RBBP8: variants seen among roughly 807,000 people sequenced by gnomAD.
RBBP8 encodes the protein DNA endonuclease RBBP8.
Under a neutral mutation model 108.3 loss-of-function variants are expected in RBBP8, and 88 were observed. The observed-to-expected ratio is 0.81, with a 90% CI of 0.68 to 0.97. The LOEUF is 0.97. Ranked by LOEUF, RBBP8 falls within the 50% of genes least tolerant of loss-of-function variation. The pLI is 0.00. For missense variants in RBBP8, 1,023 were observed against 1,049.0 expected, an observed-to-expected ratio of 0.98 and a Z score of 0.34; for synonymous variants, 332 against 348.2, an observed-to-expected ratio of 0.95 and a Z score of 0.52.
At chr18:22,960,353 C>T (rs1326671946) in intron 4 of RBBP8, among the ~76,000 whole-genome samples, 2 of 152,196 alleles carry the variant, frequency 1.3e-5, no homozygotes, top group Non-Finnish European at 2.9e-5. Flanking sequence ...AAGTTTGAGA[C>T]CAGCCGGGGC....
chr18:22,998,031 T>C (rs2045889394), intron 14 of RBBP8, among the ~76,000 whole-genome samples: 1 of 152,234 alleles, frequency 6.6e-6, no homozygotes, highest in Non-Finnish European at 1.5e-5. Context: ...TTCATTTCTT[T>C]ATGTATTGCC....
chr18:22,918,582 G>C (rs1909457754), intron 3 of RBBP8, among the ~76,000 whole-genome samples: 1 of 152,188 alleles, frequency 6.6e-6, no homozygotes, highest in Non-Finnish European at 1.5e-5. Flanking sequence ...GCTATTCAGT[G>C]CATGGCTGTA....
chr18:23,005,111 C>G (rs2144761274), intron 15 of RBBP8, among the ~76,000 whole-genome samples: 1 of 152,124 alleles, frequency 6.6e-6, no homozygotes, highest in East Asian at 1.9e-4. Flanking sequence ...TGCAGTGAGC[C>G]TAGATCATGC....
chr18:22,936,926 A>C lies in RBBP8; in HGVS notation c.75A>C (p.Thr25=). The change falls in exon 2 of 19, where the codon ACA becomes ACC. Residue 25 remains threonine (T), a synonymous_variant. Transcript: ENST00000327155. ...CTAGTGACTTTAAGGACCTTTGGAC[A>C]AAACTAAAAGAATGTCATGATAGAG... The part of the protein sequence containing the change: ...DTSSDFKDLW[T]KLKECHDREV... 2.5e-6 allele frequency: 4 copies of C among 1,614,174 alleles called. No homozygotes were observed. The highest frequency in any genetic ancestry group is 3.4e-6 in the Non-Finnish European group (4 of 1,180,016).
intron 2 of RBBP8, among the ~76,000 whole-genome samples, chr18:22,916,025 T>C (rs558857052): frequency 7.9e-5 from 12 of 152,194 alleles, no homozygotes; most frequent in South Asian, 2.1e-4. Context: ...TTTAAAATAT[T>C]GATACATTGC....
At chr18:23,007,027 T>G (rs146253239) in intron 16 of RBBP8, among the ~76,000 whole-genome samples, 1,580 of 150,846 alleles carry the variant, frequency 0.01, 24 homozygotes, top group African/African-American at 0.036. Context: ...ATTTCTTTTT[T>G]TTTTTTTTTT....
chr18:22,992,652 C>G (rs946327430), intron 10 of RBBP8, 96 bp from the exon 11 acceptor site: 4 of 1,036,378 alleles, frequency 3.9e-6, no homozygotes, highest in Non-Finnish European at 5.7e-6. Flanking sequence ...AAAGCTGTAC[C>G]TTGTCTTAAA....
chr18:22,947,414 A>G (rs3829629), intron 3 of RBBP8, among the ~76,000 whole-genome samples: 74,405 of 151,524 alleles, frequency 0.49, 21,635 homozygotes, highest in Middle Eastern at 0.67. Context: ...TAATGAAAAA[A>G]TTGTTGAATG....
At chr18:22,996,314 A>C in intron 12 of RBBP8, 60 bp from the exon 13 acceptor site, 3 of 1,600,232 alleles carry the variant, frequency 1.9e-6, no homozygotes, top group Non-Finnish European at 2.6e-6. Context: ...ATAATATTTT[A>C]AAGTGATGAG....
chr18:22,920,954 T>C (rs576644144), intron 3 of RBBP8: 1 of 152,220 alleles, frequency 6.6e-6, no homozygotes, highest in Non-Finnish European at 1.5e-5. Context: ...CAAATGCACA[T>C]GTTCAACCAA....
At chr18:22,974,911 G>A (rs181273421) in intron 5 of RBBP8, among the ~76,000 whole-genome samples, 94 of 152,246 alleles carry the variant, frequency 6.2e-4, no homozygotes, top group African/African-American at 2.1e-3. Flanking sequence ...TCTTTTGCCT[G>A]CAAGCATTAC....
intron 1 of RBBP8, chr18:22,934,028 C>G (rs1787699524): frequency 6.5e-6 from 1 of 152,788 alleles, no homozygotes; most frequent in Non-Finnish European, 1.5e-5. Context: ...TGAAATGTGC[C>G]TCTCGCCTTA....
chr18:22,947,000 T>C lies in RBBP8; in HGVS notation c.152+514T>C, dbSNP rs975870729. 3.3e-5 allele frequency among the ~76,000 whole-genome samples: 5 copies of C among 152,188 alleles called. No homozygotes were observed. The East Asian group carries it at 9.6e-4, about 29-fold the overall frequency. ...TTTGCTTATAAAGTTCTAAATCAGA[T>C]CTGATTTTTTAAGTTCGGGAACATA... On this transcript the variant is annotated intron_variant, in intron 3 of 18. Coordinates refer to ENST00000327155, the MANE Select transcript of RBBP8 (RefSeq NM_002894.3).
intron 2 of RBBP8, among the ~76,000 whole-genome samples, chr18:22,940,488 T>C (rs1228054887): frequency 6.6e-6 from 1 of 151,618 alleles, no homozygotes; most frequent in Non-Finnish European, 1.5e-5. Flanking sequence ...GCCCGGCTAA[T>C]TTTTTGTATT....
At chr18:22,928,201 CAAAA>C (rs369797539) in intron 3 of RBBP8, among the ~76,000 whole-genome samples, 1 of 110,208 alleles carries the variant, frequency 9.1e-6, no homozygotes. Flanking sequence ...ACTTTGTCTC[CAAAA>C]AAAAAAAAAA....
chr18:22,987,966 C>A (rs955236892), intron 8 of RBBP8, among the ~76,000 whole-genome samples: 22 of 152,212 alleles, frequency 1.4e-4, no homozygotes, highest in African/African-American at 5.3e-4. Flanking sequence ...AACTCTTCAT[C>A]CTTGCATTTG....
intron 4 of RBBP8, among the ~76,000 whole-genome samples, chr18:22,962,631 A>G (rs1913196821): frequency 1.3e-5 from 2 of 151,528 alleles, no homozygotes; most frequent in Admixed American, 1.3e-4. Flanking sequence ...ATCTTGGCTC[A>G]CTGCAACCTC....
At chr18:22,937,232 C>G (rs1038184397) in intron 2 of RBBP8, 10 of 438,098 alleles carry the variant, frequency 2.3e-5, no homozygotes, top group African/African-American at 1.4e-4. Flanking sequence ...TCATGTAGGT[C>G]CCAGTACCTG....
intron 10 of RBBP8, 88 bp from the exon 11 acceptor site, chr18:22,992,660 A>T: frequency 8.7e-7 from 1 of 1,149,344 alleles, no homozygotes; most frequent in South Asian, 1.4e-5. Flanking sequence ...ACCTTGTCTT[A>T]AATTTTGGTT....
Sources: gnomAD v4.1 joint callset for allele counts (sites outside exome capture counted in the v4.1 genomes callset) on GRCh38, gnomAD v4.1.1 for gene constraint, MANE v1.5 for transcripts, NCBI Gene and HGNC (gene_info 2026-07-23, HGNC 2026-07-21) for gene names.